The following FXYD2 variants were observed in gnomAD, a reference collection of about 807,000 sequenced individuals.
FXYD2 encodes FXYD domain containing ion transport regulator 2.
A neutral mutation model predicts 11.8 loss-of-function variants in FXYD2; 8 were observed. The observed-to-expected ratio is 0.68, with a 90% CI of 0.40 to 1.22. The LOEUF is 1.22. FXYD2 is among the 50% of genes most tolerant of loss of function. The pLI is 0.01. For synonymous variants in FXYD2, 42 were observed against 33.3 expected (o/e 1.26, Z -0.90); for missense variants, 92 against 91.8 (o/e 1.00, Z -0.01).
At chr11:117,821,507 A>G in intron 3 of FXYD2, 1 of 986,208 alleles carries the variant, frequency 1.0e-6, no homozygotes, top group South Asian at 4.7e-5. Context: ...TGGTGCCCCC[A>G]GCACAGCTGC....
At chr11:117,826,794 ATCTATCTATCT>A (rs1426809726), upstream of FXYD2, among the ~76,000 whole-genome samples, 1 of 138,024 alleles carries the variant, frequency 7.2e-6, no homozygotes, top group Non-Finnish European at 1.6e-5. Context: ...CTATCTATCT[ATCTATCTATCT>A]ATCTATCTAT....
At position 117,824,056 on chromosome 11, in the gene FXYD2, C is replaced by A; in HGVS notation, c.25+598G>T. 6.2e-6 allele frequency: 1 copy of A among 162,508 alleles called. No homozygotes were observed. The highest frequency in any genetic ancestry group is 1.4e-5 in the Non-Finnish European group (1 of 73,166). The allele number at this position is 162,508 out of a possible 1,614,324, so 10.1% of individuals were successfully genotyped here. ...CTAGACGCCAGCTGAGGCTTCCCCACACGCCCCAGGAAACCTCCTCCTCCG... is the reference window on the plus strand; with the variant it reads ...CTAGACGCCAGCTGAGGCTTCCCCAAACGCCCCAGGAAACCTCCTCCTCCG... On this transcript the variant is annotated intron_variant, in intron 1 of 5. Transcript: ENST00000292079. This position sits in a 1 kb window ranked among gnomAD's most constrained non-coding sequence, Gnocchi z 4.0.
chr11:117,820,666 C>A lies in FXYD2; in HGVS notation c.*6G>T, dbSNP rs180728680. The A allele has an allele frequency of 1.8e-4, 287 of 1,613,998 alleles. No individual in the cohort carries two copies. The African/African-American group carries it at 3.6e-3, about 20-fold the overall frequency. On this transcript the variant is annotated splice_region_variant and 3_prime_UTR_variant, in exon 5 of 6. Coordinates refer to ENST00000292079, the MANE Select transcript of FXYD2 (RefSeq NM_001680.5). ...CCTTCCCCAGGCCCTCCTAGCATAC[C>A]TGCTGTTACGGCTCATCTTCATTGA... is the stretch of plus-strand genomic sequence containing the variant.
chr11:117,821,917 TC>T lies in FXYD2; in HGVS notation c.139+488del, dbSNP rs774220541. 57 of 1,025,554 alleles carry T rather than the reference TC, an allele frequency of 5.6e-5. No homozygotes were observed. The East Asian group carries it at 9.3e-4, about 17-fold the overall frequency. The allele number at this position is 1,025,554 out of a possible 1,614,324, so 63.5% of individuals were successfully genotyped here. A position where few individuals can be genotyped will look rare whatever the true frequency, so the allele number is the denominator to read the frequency against. ...ACAAGTCAATGTGCAGTTATTAAGCTCCTGCTGTGTGCCCCTCGGGGCTTGA... is the reference window on the plus strand; with the variant it reads ...ACAAGTCAATGTGCAGTTATTAAGCTCTGCTGTGTGCCCCTCGGGGCTTGA... On this transcript the variant is annotated intron_variant, in intron 3 of 5. Coordinates refer to ENST00000292079, the MANE Select transcript of FXYD2 (RefSeq NM_001680.5).
intron 3 of FXYD2, 113 bp from the exon 4 acceptor site, chr11:117,821,008 GGTC>G: frequency 6.8e-7 from 1 of 1,477,860 alleles, no homozygotes; most frequent in Non-Finnish European, 9.4e-7. Context: ...ATCATCGCAG[GGTC>G]AGGCTTGGAG....
chr11:117,826,766 GTCTGTCTGTCTGTCTATCTATCTA>G (rs1211922942), upstream of FXYD2, among the ~76,000 whole-genome samples: 14 of 107,090 alleles, frequency 1.3e-4, no homozygotes, highest in African/African-American at 4.5e-4. Context: ...CTGTCTGTCT[GTCTGTCTGTCTGTCTATCTATCTA>G]TCTATCTATC....
intron 3 of FXYD2, chr11:117,821,864 T>C: frequency 1.0e-6 from 1 of 999,146 alleles, no homozygotes; most frequent in South Asian, 4.4e-5. Flanking sequence ...TTGTGTTTTC[T>C]GTGTATTTTT....
At chr11:117,820,440 G>C (rs2055870732) in intron 5 of FXYD2, 68 bp from the exon 6 acceptor site, 2 of 587,226 alleles carry the variant, frequency 3.4e-6, no homozygotes, top group Admixed American at 3.0e-5. Flanking sequence ...CTTCCCCCTT[G>C]TCCATCTCAC....
In FXYD2 at chr11:117,824,596, G is replaced by A; in HGVS notation, c.25+58C>T. 1 of 1,427,628 alleles carries A rather than the reference G, an allele frequency of 7.0e-7. No individual in the cohort carries two copies. 88.4% of individuals were successfully genotyped at this position (1,427,628 alleles called of 1,614,324 possible). ...GGGTCCAGCTGACCCCACAAAGGCA[G>A]GCCAATCAGAGCCACCCAGCATTGC... On this transcript the variant is annotated intron_variant, in intron 1 of 5. Transcript: ENST00000292079. The surrounding 1 kb of genome is among the most constrained non-coding windows in gnomAD (Gnocchi z 4.0).
upstream of FXYD2, among the ~76,000 whole-genome samples, chr11:117,825,446 A>G (rs1430644115): frequency 6.6e-6 from 1 of 152,204 alleles, no homozygotes. Flanking sequence ...TGGAGCATGC[A>G]GGATCCTTAA....
In FXYD2 at chr11:117,822,307, A is replaced by C. The variant is rs1296699969; in HGVS notation, c.139+99T>G. 1 of 1,546,898 alleles carries C rather than the reference A, an allele frequency of 6.5e-7. No individual in the cohort carries two copies. The highest frequency in any genetic ancestry group is 2.0e-5 in the Admixed American group (1 of 50,954). ...AGTGGGGGGCGTGGTGGGGAGGCTC[A>C]CCCCTCCCTTGGCAACTCCCGAAAG... On this transcript the variant is annotated intron_variant, in intron 3 of 5. Coordinates refer to ENST00000292079, the MANE Select transcript of FXYD2 (RefSeq NM_001680.5). This position sits in a 1 kb window ranked among gnomAD's most constrained non-coding sequence, Gnocchi z 4.7.
In FXYD2 at chr11:117,824,722, T is replaced by C. The variant is rs1342290982; in HGVS notation, c.-44A>G. The C allele has an allele frequency of 1.9e-6, 3 of 1,611,980 alleles. No individual in the cohort carries two copies. Among genetic ancestry groups the C allele is most frequent in the East Asian group, 4.5e-5 (2 of 44,728 alleles). ...TGCCTCCACTCCCCTCTTCCTGCTG[T>C]CTCTGCTTTTTGGAGAGTGTCTGGC... On this transcript the variant is annotated 5_prime_UTR_variant, in exon 1 of 6. Transcript: ENST00000292079. The surrounding 1 kb of genome is among the most constrained non-coding windows in gnomAD (Gnocchi z 4.0).
chr11:117,823,365 G>T (rs2055957538), intron 1 of FXYD2, among the ~76,000 whole-genome samples: 1 of 152,232 alleles, frequency 6.6e-6, no homozygotes, highest in African/African-American at 2.4e-5. Context: ...TCATTCTGGT[G>T]TAATCCACAA....
rs773683745 is a variant in FXYD2 at position 117,822,689 on chromosome 11, C to T, written c.54G>A (p.Pro18=). 2.5e-5 allele frequency: 40 copies of T among 1,610,472 alleles called. No homozygotes were observed. The East Asian group carries it at 4.5e-4, about 18-fold the overall frequency. Residue 18 remains proline (P), a synonymous_variant, in exon 2 of 6, where the codon CCG becomes CCA. Transcript: ENST00000292079. This position sits in a 1 kb window ranked among gnomAD's most constrained non-coding sequence, Gnocchi z 4.7. ...GGGGCCCAGGCTTACCATAGTAGAA[C>T]GGGTCCACGTCCCCCTTGGGGCTGC... ...GGGSPKGDVD[P]FYYDYETVRN...
chr11:117,826,467 A>G (rs1414648286), upstream of FXYD2, among the ~76,000 whole-genome samples: 2 of 152,204 alleles, frequency 1.3e-5, no homozygotes, highest in African/African-American at 2.4e-5. Flanking sequence ...GCTTTCCACA[A>G]TAGCCCCTGG....
chr11:117,826,778 G>GTCTATCTGTCTATCTA (rs1555040290), upstream of FXYD2, among the ~76,000 whole-genome samples: 15 of 125,876 alleles, frequency 1.2e-4, no homozygotes, highest in East Asian at 2.8e-3. Context: ...CTGTCTGTCT[G>GTCTATCTGTCTATCTA]TCTATCTATC....
rs939882867 is a variant in FXYD2 at position 117,822,506 on chromosome 11, C to T, written c.65-26G>A. On this transcript the variant is annotated intron_variant, in intron 2 of 5. Coordinates refer to ENST00000292079, the MANE Select transcript of FXYD2 (RefSeq NM_001680.5). The surrounding 1 kb of genome is among the most constrained non-coding windows in gnomAD (Gnocchi z 4.7). Reference sequence around the variant, plus strand: ...CTCCGGAAAGAGAGGGCAAGAGGAGCGGGATGGGTGGTCTCTCCCAGCAGC... The same window carrying T: ...CTCCGGAAAGAGAGGGCAAGAGGAGTGGGATGGGTGGTCTCTCCCAGCAGC... 29 of 1,556,906 alleles carry T rather than the reference C, an allele frequency of 1.9e-5. No individual in the cohort carries two copies. Among genetic ancestry groups the T allele is most frequent in the African/African-American group, 1.8e-4 (13 of 73,802 alleles).
At chr11:117,821,735 C>T (rs542154344) in intron 3 of FXYD2, 52 of 981,868 alleles carry the variant, frequency 5.3e-5, no homozygotes, top group Non-Finnish European at 5.3e-5. Flanking sequence ...ATGGGCAACA[C>T]GGGAAAATGG....
intron 1 of FXYD2, among the ~76,000 whole-genome samples, chr11:117,823,704 C>T (rs1051980400): frequency 5.9e-5 from 9 of 152,246 alleles, no homozygotes; most frequent in Admixed American, 6.5e-5. Context: ...CCTGCCCTGC[C>T]GGAGCCCCTT....
Sources: gnomAD v4.1 joint callset for allele counts (sites outside exome capture counted in the v4.1 genomes callset) on GRCh38, gnomAD v4.1.1 for gene constraint, Gnocchi (gnomAD v3.1) non-coding constraint, MANE v1.5 for transcripts, NCBI Gene and HGNC (gene_info 2026-07-23, HGNC 2026-07-21) for gene names.